Variants in SGCZ observed in about 807,000 individuals in gnomAD.
SGCZ encodes the protein zeta-sarcoglycan.
In SGCZ, 40 loss-of-function variants were observed where a neutral mutation model predicts 41.3. That is an observed-to-expected ratio of 0.97 (90% CI 0.75 to 1.26). The LOEUF is 1.26. SGCZ is among the 50% of genes most tolerant of loss of function. The probability of loss-of-function intolerance (pLI) is 0.00; values close to 1 mark genes in which losing one functional copy is unlikely to be tolerated. For missense variants in SGCZ, 552 were observed against 369.8 expected (o/e 1.49, Z -4.04); for synonymous variants, 206 against 137.5 (o/e 1.50, Z -3.49).
rs536065302 is a variant in SGCZ, at chr8:14,466,019, G to C, written c.234+88713C>G. ...ATAAAATATTGTTAAAATAATACTA[G>C]CTTTCATAATTGCTCACAGTTTATC... is the stretch of plus-strand genomic sequence containing the variant. On this transcript the variant is annotated intron_variant, in intron 2 of 7. Transcript: ENST00000382080. 5.3e-5 allele frequency among the ~76,000 whole-genome samples: 8 copies of C among 151,890 alleles called. No homozygotes were observed. The East Asian group carries it at 1.5e-3, about 29-fold the overall frequency.
chr8:14,565,835 A>G (rs62498422), intron 1 of SGCZ, among the ~76,000 whole-genome samples: 5,870 of 152,282 alleles, frequency 0.039, 163 homozygotes, highest in Middle Eastern at 0.061. Context: ...ATAAAGAGAA[A>G]GACACCAATG....
chr8:14,527,628 G>T (rs1291342131), intron 2 of SGCZ, among the ~76,000 whole-genome samples: 8 of 151,990 alleles, frequency 5.3e-5, no homozygotes, highest in Admixed American at 3.9e-4. Context: ...TAGCCACAAG[G>T]TACACATGAC....
chr8:14,301,623 T>A (rs72603996), intron 3 of SGCZ, among the ~76,000 whole-genome samples: 4,159 of 152,222 alleles, frequency 0.027, 290 homozygotes, highest in East Asian at 0.24. Flanking sequence ...TAACTGTACT[T>A]GCCATCAGTT....
chr8:14,934,263 T>G (rs1306004734), intron 1 of SGCZ, among the ~76,000 whole-genome samples: 1 of 151,846 alleles, frequency 6.6e-6, no homozygotes, highest in Non-Finnish European at 1.5e-5. Flanking sequence ...GACAGCAGAA[T>G]AAAATCTGCA....
intron 3 of SGCZ, among the ~76,000 whole-genome samples, chr8:14,288,643 C>G (rs1800729714): frequency 6.6e-6 from 1 of 152,106 alleles, no homozygotes; most frequent in Non-Finnish European, 1.5e-5. Context: ...CTTAATAATA[C>G]TCCATTATAT....
chr8:14,239,404 C>G (rs1806891296), intron 3 of SGCZ, among the ~76,000 whole-genome samples: 1 of 151,866 alleles, frequency 6.6e-6, no homozygotes, highest in South Asian at 2.1e-4. Context: ...TCCTGCAGTT[C>G]AAAAAATTGT....
At chr8:15,077,586 C>G (rs1222235992) in intron 1 of SGCZ, among the ~76,000 whole-genome samples, 1 of 152,144 alleles carries the variant, frequency 6.6e-6, no homozygotes, top group East Asian at 1.9e-4. Flanking sequence ...TCCATTATAA[C>G]TTTAACCTCC....
chr8:14,270,884 C>A (rs990090913), intron 3 of SGCZ, among the ~76,000 whole-genome samples: 1 of 152,052 alleles, frequency 6.6e-6, no homozygotes, highest in Admixed American at 6.6e-5. Flanking sequence ...ATGATGAGCT[C>A]ATGTACTTTG....
intron 1 of SGCZ, among the ~76,000 whole-genome samples, chr8:14,996,957 A>G (rs1802240041): frequency 6.6e-6 from 1 of 152,106 alleles, no homozygotes; most frequent in Non-Finnish European, 1.5e-5. Flanking sequence ...CCTAATTACT[A>G]CTCTACATAG....
chr8:14,474,362 T>C (rs986107211), intron 2 of SGCZ, among the ~76,000 whole-genome samples: 4 of 152,236 alleles, frequency 2.6e-5, no homozygotes, highest in Non-Finnish European at 5.9e-5. Context: ...TTTGGGTCTA[T>C]AGACTTCTAA....
chr8:14,774,892 A>G (rs564034842), intron 1 of SGCZ, among the ~76,000 whole-genome samples: 2 of 152,288 alleles, frequency 1.3e-5, no homozygotes, highest in South Asian at 4.1e-4. Flanking sequence ...TAATTACCTT[A>G]CATGTAGGTA....
chr8:14,372,355 A>T (rs903563369), intron 2 of SGCZ, among the ~76,000 whole-genome samples: 1 of 152,178 alleles, frequency 6.6e-6, no homozygotes, highest in South Asian at 2.1e-4. Flanking sequence ...TAATTCCATC[A>T]TTCATTCTTT....
At chr8:14,346,326 A>C (rs1802890613) in intron 2 of SGCZ, among the ~76,000 whole-genome samples, 1 of 152,098 alleles carries the variant, frequency 6.6e-6, no homozygotes, top group African/African-American at 2.4e-5. Context: ...TTGAGATAAA[A>C]TATACATTAG....
intron 1 of SGCZ, among the ~76,000 whole-genome samples, chr8:14,654,653 C>T (rs1005184418): frequency 2.6e-5 from 4 of 152,016 alleles, no homozygotes; most frequent in Admixed American, 6.6e-5. Flanking sequence ...CTCACTGAAA[C>T]TACTGCTTCC....
intron 2 of SGCZ, among the ~76,000 whole-genome samples, chr8:14,513,631 G>C (rs775377958): frequency 3.5e-4 from 52 of 149,360 alleles, no homozygotes; most frequent in Middle Eastern, 3.4e-3. Flanking sequence ...TTTGATGCAT[G>C]TTCTTAAAAC....
intron 1 of SGCZ, among the ~76,000 whole-genome samples, chr8:14,639,655 A>C (rs1340331660): frequency 6.6e-6 from 1 of 151,706 alleles, no homozygotes; most frequent in Non-Finnish European, 1.5e-5. Flanking sequence ...ATTATCCAAA[A>C]TTTAATTTAA....
At chr8:14,895,242 T>C (rs1256843125) in intron 1 of SGCZ, among the ~76,000 whole-genome samples, 2 of 152,196 alleles carry the variant, frequency 1.3e-5, no homozygotes, top group African/African-American at 4.8e-5. Context: ...GTTCAAATCC[T>C]ACCTCTGCCA....
At chr8:14,969,852 G>A (rs1034684673) in intron 1 of SGCZ, among the ~76,000 whole-genome samples, 6 of 152,130 alleles carry the variant, frequency 3.9e-5, no homozygotes, top group Admixed American at 2.0e-4. Context: ...GCAAGTCTAC[G>A]TATGGAGATA....
intron 1 of SGCZ, among the ~76,000 whole-genome samples, chr8:14,897,571 G>A (rs894767742): frequency 6.6e-6 from 1 of 152,186 alleles, no homozygotes; most frequent in Non-Finnish European, 1.5e-5. Flanking sequence ...TACAGGTCTA[G>A]TGTCAGTGCC....
Sources: gnomAD v4.1 joint callset for allele counts (sites outside exome capture counted in the v4.1 genomes callset) on GRCh38, gnomAD v4.1.1 for gene constraint, MANE v1.5 for transcripts, NCBI Gene and HGNC (gene_info 2026-07-23, HGNC 2026-07-21) for gene names.